Variants in SNX25 observed in about 807,000 individuals in gnomAD.
The protein encoded by SNX25 is sorting nexin-25.
In SNX25, 62 loss-of-function variants were observed where a neutral mutation model predicts 113.7. That is an observed-to-expected ratio of 0.55 (90% confidence interval 0.44 to 0.67). SNX25 has a LOEUF of 0.67. Among genes scored for constraint, SNX25 ranks in the 30% least tolerant of loss-of-function variants. SNX25 has a pLI of 0.00. For synonymous variants in SNX25, 421 were observed against 436.2 expected, an observed-to-expected ratio of 0.97 and a Z score of 0.43; for missense variants, 1,014 against 1,161.0, an observed-to-expected ratio of 0.87 and a Z score of 1.84.
chr4:185,343,611 T>TA (rs2095270919), intron 12 of SNX25, among the ~76,000 whole-genome samples: 1 of 152,240 alleles, frequency 6.6e-6, no homozygotes. Context: ...AATGGAATCT[T>TA]ACTTTTAGAT....
rs137958148 is a variant in SNX25 at position 185,221,982 on chromosome 4, A to G, written c.429+11727A>G. 3.2e-3 allele frequency among the ~76,000 whole-genome samples: 465 copies of G among 146,646 alleles called. 12 individuals carry two copies. Among genetic ancestry groups the G allele is most frequent in the Middle Eastern group, 0.023 (6 of 262 alleles). On this transcript the variant is annotated intron_variant, in intron 1 of 18. Transcript: ENST00000652585. The stretch of plus-strand genomic sequence containing the variant: ...TCCTTCACGGTAGGAATATAGCGCC[A>G]TATACCCCTCCTTCATGGTAGATAT...
intron 1 of SNX25, among the ~76,000 whole-genome samples, chr4:185,231,711 C>CAAA (rs35635272): frequency 1.5e-5 from 2 of 134,344 alleles, no homozygotes; most frequent in Non-Finnish European, 3.2e-5. Flanking sequence ...ACTCCATCTT[C>CAAA]AAAAAAAAAA....
chr4:185,328,497 A>G (rs1306001105), intron 9 of SNX25, among the ~76,000 whole-genome samples: 1 of 152,226 alleles, frequency 6.6e-6, no homozygotes, highest in Non-Finnish European at 1.5e-5. Flanking sequence ...CTTTTTCAGG[A>G]AAACAAGATT....
At chr4:185,271,538 C>T (rs1560955640) in intron 5 of SNX25, among the ~76,000 whole-genome samples, 1 of 152,200 alleles carries the variant, frequency 6.6e-6, no homozygotes, top group Non-Finnish European at 1.5e-5. Flanking sequence ...TGTGAGCCAC[C>T]GTGCCCGGCC....
At chr4:185,342,247 A>G in intron 12 of SNX25, 131 bp downstream of exon 12, 1 of 1,083,106 alleles carries the variant, frequency 9.2e-7, no homozygotes, top group Middle Eastern at 3.2e-4. Flanking sequence ...TCATCCTGAC[A>G]TTTGGAAATT....
At chr4:185,378,483 C>G in the SNX25 span, 1 of 1,146,494 alleles carries the variant, frequency 8.7e-7, no homozygotes, top group Non-Finnish European at 1.1e-6. Flanking sequence ...TGGGTTTATA[C>G]ATCAAGATGG....
rs148511402 is a variant in SNX25 at position 185,369,057 on chromosome 4, G to A, written c.*1005-693G>A. ...AATCCTCCCACCTCGGCCTCCCAAA[G>A]TGCTGGGATTACAGGCATGAGCCAC... On this transcript the variant is annotated intron_variant and NMD_transcript_variant, in intron 11 of 11. Coordinates refer to the SNX25 transcript ENST00000504959. 6.7e-3 allele frequency among the ~76,000 whole-genome samples: 1,025 copies of A among 152,152 alleles called. 4 individuals carry two copies. The highest frequency in any genetic ancestry group is 0.012 in the Non-Finnish European group (797 of 68,006).
At chr4:185,263,234 T>G (rs1204733407) in intron 3 of SNX25, among the ~76,000 whole-genome samples, 5 of 151,364 alleles carry the variant, frequency 3.3e-5, no homozygotes, top group African/African-American at 9.7e-5. Context: ...GTAAAAGTGG[T>G]TTTTTTTTCC....
intron 1 of SNX25, among the ~76,000 whole-genome samples, chr4:185,224,482 G>A (rs185438543): frequency 0.6 from 78,078 of 129,536 alleles, 24,091 homozygotes; most frequent in East Asian, 0.74. Flanking sequence ...TAAATATATA[G>A]ATATATAAAT....
chr4:185,239,900 A>AGAG (rs1743410089), intron 1 of SNX25, among the ~76,000 whole-genome samples: 1 of 149,636 alleles, frequency 6.7e-6, no homozygotes, highest in Admixed American at 6.7e-5. Flanking sequence ...TTTCCTAGGC[A>AGAG]GAGGACCCTG....
In SNX25 at chr4:185,267,038, C is replaced by G. The variant is rs371336554; in HGVS notation, c.974C>G (p.Ala325Gly). The G allele has an allele frequency of 4.8e-5, 77 of 1,613,842 alleles. No individual in the cohort carries two copies. Among genetic ancestry groups the G allele is most frequent in the Non-Finnish European group, 6.4e-5 (76 of 1,179,928 alleles). ...AACCAAATGCTGCTTGCCCAGCTGG[C>G]GTACAGAGAGCAAATGAATGAGCAT... is the stretch of plus-strand genomic sequence containing the variant. ...YINQMLLAQL[A>G]YREQMNEHHK... is the part of the protein sequence containing the mutation. Residue 325 changes from alanine (A) to glycine (G), a missense_variant, in exon 5 of 19, where the codon GCG (alanine) becomes GGG (glycine). Physicochemically the swap from Ala to Gly is moderately conservative, Grantham distance 60. Coordinates refer to ENST00000652585, the MANE Select transcript of SNX25 (RefSeq NM_001378034.2).
chr4:185,315,771 A>G (rs1047927207), intron 7 of SNX25, among the ~76,000 whole-genome samples: 3 of 152,254 alleles, frequency 2.0e-5, no homozygotes, highest in African/African-American at 7.2e-5. Flanking sequence ...CCCTGGACAG[A>G]AAAGTCCTTA....
At chr4:185,365,364 T>A (rs1276422478), downstream of SNX25, 1 of 151,870 alleles carries the variant, frequency 6.6e-6, no homozygotes, top group Non-Finnish European at 1.5e-5. Context: ...TTCTTTTTAT[T>A]TTTTTTTGAG....
downstream of SNX25, among the ~76,000 whole-genome samples, chr4:185,371,936 C>T (rs780434030): frequency 3.7e-4 from 57 of 152,132 alleles, no homozygotes; most frequent in Non-Finnish European, 4.3e-4. Flanking sequence ...CACCAGCACA[C>T]GCAGAGTCTG....
intron 16 of SNX25, among the ~76,000 whole-genome samples, chr4:185,358,133 C>T (rs1579923163): frequency 1.3e-5 from 2 of 152,256 alleles, no homozygotes; most frequent in East Asian, 1.9e-4. Flanking sequence ...ACATGGCAGG[C>T]GTTTACTTAG....
rs182400409 is a variant in SNX25, at chr4:185,224,510, G to A, written c.429+14255G>A. 1.9e-3 allele frequency among the ~76,000 whole-genome samples: 210 copies of A among 112,126 alleles called. 1 individual carries two copies. The highest frequency in any genetic ancestry group is 0.015 in the East Asian group (63 of 4,290). The allele number at this position is 112,126 out of a possible 152,430, so 73.6% of individuals were successfully genotyped here. ...ATATAAATAGATATATAAATATATA[G>A]ATATATAAATATATATACATATATA... On this transcript the variant is annotated intron_variant, in intron 1 of 18. Transcript: ENST00000652585.
downstream of SNX25, among the ~76,000 whole-genome samples, chr4:185,371,414 T>C (rs7690287): frequency 0.012 from 1,772 of 151,768 alleles, 33 homozygotes; most frequent in African/African-American, 0.038. Context: ...TGGTAGCGGG[T>C]GCCTGTAGTC....
chr4:185,260,061 G>A (rs1747067973), intron 3 of SNX25, among the ~76,000 whole-genome samples: 1 of 152,138 alleles, frequency 6.6e-6, no homozygotes, highest in Non-Finnish European at 1.5e-5. Context: ...CCCGCTGTGA[G>A]AAATTCACTT....
chr4:185,309,686 C>A (rs1420567068), intron 6 of SNX25, among the ~76,000 whole-genome samples: 1 of 152,182 alleles, frequency 6.6e-6, no homozygotes. Context: ...CTGCCATAAC[C>A]CTGGTGTAGG....
Sources: allele counts gnomAD v4.1 joint callset (sites outside exome capture counted in the v4.1 genomes callset), GRCh38; gene constraint gnomAD v4.1.1; transcripts MANE v1.5; gene names NCBI Gene and HGNC (gene_info 2026-07-23, HGNC 2026-07-21).